The following CABCOCO1 variants were observed in gnomAD, a reference collection of about 807,000 sequenced individuals.
The protein encoded by CABCOCO1 is ciliary-associated calcium-binding coiled-coil protein 1.
CABCOCO1 carries 28 observed loss-of-function variants against 35.7 expected under a neutral mutation model. The observed-to-expected ratio is 0.78, with a 90% CI of 0.58 to 1.07. CABCOCO1 has a LOEUF of 1.07. Ranked by LOEUF, CABCOCO1 falls within the 50% of genes least tolerant of loss-of-function variation. CABCOCO1 has a pLI of 0.00. For synonymous variants in CABCOCO1, 95 were observed against 100.1 expected (o/e 0.95, Z 0.30); for missense variants, 326 against 309.2 (o/e 1.05, Z -0.41).
chr10:61,762,603 CTTTATGTA>C (rs1842030035), intron 7 of CABCOCO1, among the ~76,000 whole-genome samples: 1 of 152,062 alleles, frequency 6.6e-6, no homozygotes, highest in Non-Finnish European at 1.5e-5. Flanking sequence ...TGGCAAACCC[CTTTATGTA>C]TTTTCTATCA....
chr10:61,711,138 A>AATGT (rs1840724945), intron 5 of CABCOCO1, among the ~76,000 whole-genome samples: 2 of 152,004 alleles, frequency 1.3e-5, no homozygotes, highest in Admixed American at 6.6e-5. Flanking sequence ...ACTAAAAAGA[A>AATGT]ATGTATGCCT....
Position 61,694,362 on chromosome 10 carries a change from A to T in CABCOCO1, c.552+3741A>T, listed in dbSNP as rs1166426752. 3.3e-5 allele frequency among the ~76,000 whole-genome samples: 5 copies of T among 150,520 alleles called. No individual in the cohort carries two copies. In the East Asian group the frequency reaches 9.7e-4, roughly 29 times the overall value. On this transcript the variant is annotated intron_variant, in intron 5 of 7. Coordinates refer to ENST00000648843, the MANE Select transcript of CABCOCO1 (RefSeq NM_001366906.2). ...TTATTATTGTTTATTTTTCTTAAATATGAAATTTAGAAATAAACCTGTGCA... is the reference window on the plus strand; with the variant it reads ...TTATTATTGTTTATTTTTCTTAAATTTGAAATTTAGAAATAAACCTGTGCA...
chr10:61,675,353 A>G (rs1234596066), intron 2 of CABCOCO1, among the ~76,000 whole-genome samples: 5 of 152,176 alleles, frequency 3.3e-5, no homozygotes, highest in Non-Finnish European at 7.3e-5. Context: ...TTTGGAGTAC[A>G]ATGACCGAGC....
chr10:61,760,570 G>C (rs1007524091), intron 6 of CABCOCO1, among the ~76,000 whole-genome samples: 2 of 152,004 alleles, frequency 1.3e-5, no homozygotes, highest in Non-Finnish European at 2.9e-5. Context: ...CATGGACACA[G>C]GGAGGAGAAC....
chr10:61,731,295 C>T (rs757130848), intron 5 of CABCOCO1, among the ~76,000 whole-genome samples: 4 of 151,744 alleles, frequency 2.6e-5, no homozygotes, highest in Admixed American at 6.6e-5. Context: ...ACAGAATTCC[C>T]GAGGTCATGA....
At chr10:61,753,283 T>C (rs1841830978) in intron 5 of CABCOCO1, among the ~76,000 whole-genome samples, 1 of 152,156 alleles carries the variant, frequency 6.6e-6, no homozygotes, top group African/African-American at 2.4e-5. Context: ...TATTTTATAC[T>C]GAGTTCAAGG....
chr10:61,760,929 T>C lies in CABCOCO1; in HGVS notation c.742T>C (p.Leu248=). The C allele has an allele frequency of 6.2e-7, 1 of 1,612,720 alleles. No individual in the cohort carries two copies. The highest frequency in any genetic ancestry group is 8.5e-7 in the Non-Finnish European group (1 of 1,179,116). The change falls in exon 7 of 8, where the codon TTA becomes CTA. Residue 248 remains leucine, a synonymous_variant. Coordinates refer to ENST00000648843, the MANE Select transcript of CABCOCO1 (RefSeq NM_001366906.2). ...AACTGACACCTCAGACATGGATCCT[T>C]TAGTTGGTTTTACCATTGAAGATGT... ...PETDTSDMDP[L]VGFTIEDVKS...
At chr10:61,725,666 A>C (rs1841131335) in intron 5 of CABCOCO1, among the ~76,000 whole-genome samples, 1 of 152,030 alleles carries the variant, frequency 6.6e-6, no homozygotes, top group African/African-American at 2.4e-5. Flanking sequence ...GTAAATGATG[A>C]GTTAATGGGT....
chr10:61,757,057 T>C (rs1451182722), intron 5 of CABCOCO1, among the ~76,000 whole-genome samples: 1 of 151,956 alleles, frequency 6.6e-6, no homozygotes, highest in African/African-American at 2.4e-5. Flanking sequence ...TGTTTTTAAA[T>C]AGATTTTATT....
chr10:61,677,101 C>T (rs1839538301), intron 2 of CABCOCO1, among the ~76,000 whole-genome samples: 1 of 133,658 alleles, frequency 7.5e-6, no homozygotes, highest in Non-Finnish European at 1.6e-5. Context: ...ATAAATTTTT[C>T]TGTTAGATTA....
At chr10:61,670,831 G>T (rs1218820425) in intron 1 of CABCOCO1, among the ~76,000 whole-genome samples, 4 of 152,152 alleles carry the variant, frequency 2.6e-5, no homozygotes, top group African/African-American at 9.7e-5. Context: ...GCTTTGAGCA[G>T]TCTCACCCAT....
chr10:61,689,839 C>G (rs868249113), intron 4 of CABCOCO1, among the ~76,000 whole-genome samples: 23 of 152,178 alleles, frequency 1.5e-4, no homozygotes, highest in African/African-American at 5.3e-4. Context: ...ATTTTTAACT[C>G]TTAATAATGC....
At chr10:61,697,918 A>G (rs1390267213) in intron 5 of CABCOCO1, among the ~76,000 whole-genome samples, 1 of 152,082 alleles carries the variant, frequency 6.6e-6, no homozygotes, top group African/African-American at 2.4e-5. Flanking sequence ...TTCAATATAA[A>G]CTAGGTTTAC....
chr10:61,712,065 T>C (rs1263936236), intron 5 of CABCOCO1, among the ~76,000 whole-genome samples: 1 of 152,162 alleles, frequency 6.6e-6, no homozygotes, highest in African/African-American at 2.4e-5. Flanking sequence ...CACACTGTCT[T>C]CCACAATGGT....
At position 61,760,927 on chromosome 10, in the gene CABCOCO1, C is replaced by G; in HGVS notation, c.740C>G (p.Pro247Arg). The change falls in exon 7 of 8, where the codon CCT becomes CGT. Residue 247 changes from proline (P) to arginine (R), a missense_variant. Coordinates refer to ENST00000648843, the MANE Select transcript of CABCOCO1 (RefSeq NM_001366906.2). ...GAAACTGACACCTCAGACATGGATC[C>G]TTTAGTTGGTTTTACCATTGAAGAT... ...QPETDTSDMD[P>R]LVGFTIEDVK... The G allele has an allele frequency of 6.2e-7, 1 of 1,612,724 alleles. No individual in the cohort carries two copies.
intron 2 of CABCOCO1, among the ~76,000 whole-genome samples, chr10:61,679,514 T>C (rs4269872): frequency 0.4 from 60,393 of 151,944 alleles, 14,073 homozygotes; most frequent in Middle Eastern, 0.54. Context: ...TTTTCTTTCT[T>C]TTTCCTTACC....
intron 5 of CABCOCO1, among the ~76,000 whole-genome samples, chr10:61,725,278 T>C (rs1353529089): frequency 6.6e-6 from 1 of 152,202 alleles, no homozygotes; most frequent in Admixed American, 6.5e-5. Context: ...CAAAGGATTA[T>C]AAATCATGCT....
At chr10:61,663,351 G>T (rs958013089) in intron 1 of CABCOCO1, among the ~76,000 whole-genome samples, 2 of 151,772 alleles carry the variant, frequency 1.3e-5, no homozygotes, top group Non-Finnish European at 2.9e-5. Context: ...TCTACCGCAG[G>T]TTTTGTTTTT....
chr10:61,689,578 A>T (rs576269110), intron 4 of CABCOCO1, among the ~76,000 whole-genome samples: 5 of 152,348 alleles, frequency 3.3e-5, no homozygotes, highest in Admixed American at 6.5e-5. Context: ...CCATTACAAC[A>T]TCCAGGAGAA....
Sources: gnomAD v4.1 joint callset for allele counts (sites outside exome capture counted in the v4.1 genomes callset) on GRCh38, gnomAD v4.1.1 for gene constraint, MANE v1.5 for transcripts, NCBI Gene and HGNC (gene_info 2026-07-23, HGNC 2026-07-21) for gene names.